Variants in NRAP observed in about 807,000 individuals in gnomAD.
NRAP encodes the protein nebulin-related-anchoring protein.
In NRAP, 189 loss-of-function variants were observed where a neutral mutation model predicts 225.9. That is an observed-to-expected ratio of 0.84 (90% CI 0.74 to 0.94). NRAP has a LOEUF of 0.94. NRAP is among the 40% of genes least tolerant of loss of function. NRAP has a pLI of 0.00. For synonymous variants in NRAP, 769 were observed against 790.7 expected, an observed-to-expected ratio of 0.97 and a Z score of 0.46; for missense variants, 2,176 against 2,168.7, an observed-to-expected ratio of 1.00 and a Z score of -0.07.
At chr10:113,599,705 G>A (rs1477049413) in intron 35 of NRAP, among the ~76,000 whole-genome samples, 1 of 152,096 alleles carries the variant, frequency 6.6e-6, no homozygotes, top group Admixed American at 6.5e-5. Flanking sequence ...CAACACACTT[G>A]CCCCAGACTT....
intron 3 of NRAP, among the ~76,000 whole-genome samples, chr10:113,660,051 AACAC>A (rs142938392): frequency 0.026 from 3,801 of 144,332 alleles, 142 homozygotes; most frequent in African/African-American, 0.08. Context: ...CTCAGTAGAC[AACAC>A]ACACACACAC....
intron 14 of NRAP, among the ~76,000 whole-genome samples, chr10:113,634,616 G>C (rs1217018367): frequency 6.6e-6 from 1 of 152,218 alleles, no homozygotes; most frequent in Non-Finnish European, 1.5e-5. Flanking sequence ...CAGAAGTGCA[G>C]ATTGGTACAA....
In NRAP at chr10:113,602,042, C is replaced by T. The variant is rs550115879; in HGVS notation, c.4227+2567G>A. 2.2e-3 allele frequency among the ~76,000 whole-genome samples: 339 copies of T among 152,248 alleles called. 2 individuals carry two copies. The highest frequency in any genetic ancestry group is 7.9e-3 in the African/African-American group (327 of 41,550). ...CTGGGACTACAGGTGTGCACCACCA[C>T]ACCCAGCTAATTTTTTGTAGAGACA... is the stretch of plus-strand genomic sequence containing the variant. On this transcript the variant is annotated intron_variant, in intron 35 of 41. Transcript: ENST00000359988.
In NRAP at chr10:113,608,522, C is replaced by T. The variant is rs1398879652; in HGVS notation, c.3604-10G>A. On this transcript the variant is annotated splice_polypyrimidine_tract_variant and intron_variant, in intron 31 of 41. Transcript: ENST00000359988. The stretch of plus-strand genomic sequence containing the variant: ...GCTGCCGATATTTACTCTGAATTCA[C>T]ACACAAGAAGGGAAGAAGACGACTC... The T allele has an allele frequency of 6.3e-7, 1 of 1,581,818 alleles. No individual in the cohort carries two copies. Among genetic ancestry groups the T allele is most frequent in the Non-Finnish European group, 8.7e-7 (1 of 1,152,084 alleles).
rs199667627 is a variant in NRAP, at chr10:113,631,567, A to G, written c.1784T>C (p.Met595Thr). The G allele has an allele frequency of 6.8e-6, 11 of 1,613,452 alleles. No homozygotes were observed. The highest frequency in any genetic ancestry group is 1.7e-6 in the Non-Finnish European group (2 of 1,179,494). ...CAGAAGCCTAGAGTCGGCTGTTCCCATGGCTTTGCCTTTTGTCTTTTCATA... is the reference window on the plus strand; with the variant it reads ...CAGAAGCCTAGAGTCGGCTGTTCCCGTGGCTTTGCCTTTTGTCTTTTCATA... ...EEYEKTKGKAMGTADSRLLHS... is the reference protein window; with the variant it reads ...EEYEKTKGKATGTADSRLLHS... The change falls in exon 18 of 42, where the codon ATG becomes ACG. Residue 595 changes from methionine (M) to threonine (T), a missense_variant. Physicochemically the swap from Met to Thr is moderately conservative, Grantham distance 81 (BLOSUM62 -1). Around this residue, in one of 3 missense-constraint regions of NRAP, gnomAD observed 1,708 missense variants for 1,695.5 expected, o/e 1.01. Transcript: ENST00000359988.
rs202042122 is a variant in NRAP at position 113,623,531 on chromosome 10, C to T, written c.2455G>A (p.Glu819Lys). 47 of 1,606,712 alleles carry T rather than the reference C, an allele frequency of 2.9e-5. No homozygotes were observed. Among genetic ancestry groups the T allele is most frequent in the Non-Finnish European group, 4.0e-5 (47 of 1,173,544 alleles). Reference protein sequence around the residue: ...AAKAKRDLASEVKYKEDYERS... With the variant: ...AAKAKRDLASKVKYKEDYERS... ...GTACAAGGTGGGGACAGACTCACCT[C>T]GCTAGCCAGGTCCCTCTTGGCTTTG... The change falls in exon 23 of 42, where the codon GAG becomes AAG. Residue 819 changes from glutamate to lysine, a missense_variant and splice_region_variant. Glu to Lys is a moderately conservative substitution (Grantham distance 56). This residue lies in a region of NRAP where 1,708 missense variants were observed against 1,695.5 expected (regional missense o/e 1.01). Transcript: ENST00000359988.
At chr10:113,636,542 G>A (rs967873771) in intron 14 of NRAP, among the ~76,000 whole-genome samples, 8 of 152,178 alleles carry the variant, frequency 5.3e-5, no homozygotes, top group Admixed American at 3.9e-4. Flanking sequence ...GAGTCGAGAG[G>A]ACTATGGCAA....
chr10:113,625,352 A>T (rs376773795), intron 21 of NRAP, among the ~76,000 whole-genome samples: 1 of 152,256 alleles, frequency 6.6e-6, no homozygotes, highest in African/African-American at 2.4e-5. Context: ...ACCTTAATCC[A>T]TTCATGGGTA....
chr10:113,589,426 G>C (rs1845802236), intron 41 of NRAP: 4 of 592,476 alleles, frequency 6.8e-6, no homozygotes, highest in Admixed American at 6.2e-5. Flanking sequence ...GCCCCGGTAG[G>C]TTTGCCTCTG....
Position 113,645,942 on chromosome 10 carries a change from C to CT in NRAP, c.994-2dup. ...TATTGAAGTCCTGCCTGTATTTTAT[C>CT]TGAAAAAAAAAACACAAAACGGGGC... On this transcript the variant is annotated splice_acceptor_variant, in intron 10 of 41. Transcript: ENST00000359988. LOFTEE classifies it high-confidence loss of function. The CT allele has an allele frequency of 6.9e-7, 1 of 1,454,584 alleles. No homozygotes were observed. The highest frequency in any genetic ancestry group is 9.3e-7 in the Non-Finnish European group (1 of 1,077,494). 90.1% of individuals were successfully genotyped at this position (1,454,584 alleles called of 1,614,324 possible).
At chr10:113,648,857 T>C (rs1849758978) in intron 9 of NRAP, among the ~76,000 whole-genome samples, 1 of 152,218 alleles carries the variant, frequency 6.6e-6, no homozygotes, top group African/African-American at 2.4e-5. Context: ...ACATTTCATC[T>C]GTACCTACAG....
chr10:113,654,862 C>A (rs542407994), intron 4 of NRAP, among the ~76,000 whole-genome samples: 4 of 152,254 alleles, frequency 2.6e-5, no homozygotes, highest in African/African-American at 7.2e-5. Flanking sequence ...TGTGTAGCAA[C>A]TCATAGACTC....
Position 113,629,541 on chromosome 10 carries a change from C to T in NRAP, c.2040+47G>A, listed in dbSNP as rs745740371. 43 of 1,315,950 alleles carry T rather than the reference C, an allele frequency of 3.3e-5. No individual in the cohort carries two copies. The Middle Eastern group carries it at 6.9e-4, about 21-fold the overall frequency. 81.5% of individuals were successfully genotyped at this position (1,315,950 alleles called of 1,614,324 possible). A position where few individuals can be genotyped will look rare whatever the true frequency, so the allele number is the denominator to read the frequency against. On this transcript the variant is annotated intron_variant, in intron 19 of 41. Transcript: ENST00000359988. ...GTTTGAAATCACTCTGAAAGCATGT[C>T]CAACTGCAAGAGATGCATGAAGAGA... is the stretch of plus-strand genomic sequence containing the variant.
chr10:113,629,830 C>A (rs1355776001), intron 18 of NRAP, 45 bp from the exon 19 acceptor site: 29 of 1,330,966 alleles, frequency 2.2e-5, no homozygotes, highest in Non-Finnish European at 3.0e-5. Flanking sequence ...TTGAAGCCCA[C>A]CCTTTGCAGG....
intron 5 of NRAP, 50 bp from the exon 6 acceptor site, chr10:113,653,089 A>T (rs1310346258): frequency 3.9e-6 from 4 of 1,026,518 alleles, no homozygotes; most frequent in Non-Finnish European, 5.8e-6. Flanking sequence ...ATATTGAATG[A>T]CAACTAAGAA....
intron 25 of NRAP, among the ~76,000 whole-genome samples, chr10:113,618,075 A>G (rs1564721591): frequency 6.6e-6 from 1 of 152,108 alleles, no homozygotes; most frequent in East Asian, 1.9e-4. Flanking sequence ...ATAATTCTTT[A>G]AAATATTACA....
At chr10:113,623,252 A>G (rs1416845591) in intron 23 of NRAP, among the ~76,000 whole-genome samples, 3 of 152,228 alleles carry the variant, frequency 2.0e-5, no homozygotes, top group Non-Finnish European at 2.9e-5. Flanking sequence ...CTGGGCATCA[A>G]TTTATCTGTA....
rs141729427 is a variant in NRAP at position 113,588,992 on chromosome 10, T to C, written c.5176A>G (p.Lys1726Glu). The stretch of plus-strand genomic sequence containing the variant: ...GACATGGCTCACAACAGCAGGGCCT[T>C]CTTCTTTTTGACGTGCAGAATCTCA... ...ATEILHVKKKKALLL is the reference protein window; with the variant it reads ...ATEILHVKKKEALLL Residue 1726 changes from lysine (K) to glutamate (E), a missense_variant, in exon 42 of 42, where the codon AAG (lysine) becomes GAG (glutamate). Lys to Glu is a moderately conservative substitution (Grantham distance 56). Coordinates refer to ENST00000359988, the MANE Select transcript of NRAP (RefSeq NM_198060.4). 22 of 1,608,216 alleles carry C rather than the reference T, an allele frequency of 1.4e-5. No homozygotes were observed. The highest frequency in any genetic ancestry group is 1.3e-4 in the East Asian group (6 of 44,814).
intron 38 of NRAP, among the ~76,000 whole-genome samples, 182 bp from the exon 39 acceptor site, chr10:113,592,483 T>C (rs1756153346): frequency 6.6e-6 from 1 of 152,152 alleles, no homozygotes; most frequent in Non-Finnish European, 1.5e-5. Flanking sequence ...CGTAAAAGGC[T>C]TCAGCTCTAA....
Sources: gnomAD v4.1 joint callset for allele counts (sites outside exome capture counted in the v4.1 genomes callset) on GRCh38, gnomAD v4.1.1 for gene constraint, gnomAD v4.1.1 regional missense constraint, MANE v1.5 for transcripts, NCBI Gene and HGNC (gene_info 2026-07-23, HGNC 2026-07-21) for gene names.